PNLIPRP3: variants seen among roughly 807,000 people sequenced by gnomAD.
PNLIPRP3 encodes the protein pancreatic lipase related protein 3, also known as pancreatic lipase-related protein 3.
PNLIPRP3 carries 58 observed loss-of-function variants against 52.8 expected under a neutral mutation model. The observed-to-expected ratio is 1.10, with a 90% confidence interval of 0.89 to 1.37. The LOEUF (loss-of-function observed/expected upper bound fraction) is 1.37, where lower values mean the gene tolerates loss of function less well. PNLIPRP3 is among the 40% of genes most tolerant of loss of function. The pLI is 0.00. For synonymous variants in PNLIPRP3, 192 were observed against 185.0 expected (o/e 1.04, Z -0.31); for missense variants, 593 against 561.6 (o/e 1.06, Z -0.57).
At chr10:116,472,645 G>A (rs1026229996) in intron 10 of PNLIPRP3, among the ~76,000 whole-genome samples, 1 of 152,168 alleles carries the variant, frequency 6.6e-6, no homozygotes, top group Non-Finnish European at 1.5e-5. Context: ...CACTGGCAGA[G>A]TTTCTGCAGG....
intron 10 of PNLIPRP3, among the ~76,000 whole-genome samples, chr10:116,474,260 T>C (rs190890995): frequency 1.1e-3 from 170 of 152,322 alleles, no homozygotes; most frequent in African/African-American, 3.2e-3. Context: ...AGACTGAAAC[T>C]GGACCTCTTG....
At chr10:116,429,068 C>A (rs534356066) in intron 1 of PNLIPRP3, among the ~76,000 whole-genome samples, 1 of 152,072 alleles carries the variant, frequency 6.6e-6, no homozygotes, top group South Asian at 2.1e-4. Context: ...GCAAGTTGAC[C>A]ATCTCGAATC....
At chr10:116,428,124 A>G in intron 1 of PNLIPRP3, 63 bp downstream of exon 1, 1 of 1,173,500 alleles carries the variant, frequency 8.5e-7, no homozygotes, top group Non-Finnish European at 1.2e-6. Flanking sequence ...TCTAAAATGT[A>G]ATTGACATGA....
intron 4 of PNLIPRP3, among the ~76,000 whole-genome samples, chr10:116,446,683 T>C (rs775753370): frequency 5.3e-5 from 8 of 152,178 alleles, no homozygotes; most frequent in Non-Finnish European, 8.8e-5. Flanking sequence ...AGCACACTGA[T>C]TCAACAGTAA....
chr10:116,456,304 CAT>C (rs1471003329), intron 5 of PNLIPRP3, among the ~76,000 whole-genome samples: 4 of 152,096 alleles, frequency 2.6e-5, no homozygotes, highest in African/African-American at 9.7e-5. Flanking sequence ...TAATTTATTA[CAT>C]GTTTCAAAAT....
At position 116,477,599 on chromosome 10, in the gene PNLIPRP3, C is replaced by T. The variant is rs1846495566; in HGVS notation, c.*446C>T. The T allele has an allele frequency of 6.4e-6, 1 of 155,052 alleles. No homozygotes were observed. The highest frequency in any genetic ancestry group is 1.4e-5 in the Non-Finnish European group (1 of 70,304). The allele number at this position is 155,052 out of a possible 1,614,324, so 9.6% of individuals were successfully genotyped here. ...TAAATCTTGCTGAGACAAATTATGA[C>T]TATAGTGCATGATATATAGTAGATT... On this transcript the variant is annotated 3_prime_UTR_variant, in exon 12 of 12. Coordinates refer to ENST00000369230, the MANE Select transcript of PNLIPRP3 (RefSeq NM_001011709.3).
chr10:116,431,678 C>G (rs1321497361), intron 1 of PNLIPRP3, among the ~76,000 whole-genome samples: 1 of 152,082 alleles, frequency 6.6e-6, no homozygotes, highest in Non-Finnish European at 1.5e-5. Flanking sequence ...AACTAGAAAA[C>G]AAATAAATGA....
chr10:116,438,202 A>G (rs1389094572), intron 2 of PNLIPRP3, among the ~76,000 whole-genome samples: 3 of 152,146 alleles, frequency 2.0e-5, no homozygotes, highest in Non-Finnish European at 4.4e-5. Context: ...AAAGATTCAA[A>G]AGTCTTCTGG....
At chr10:116,443,029 C>T (rs766029845) in intron 2 of PNLIPRP3, 26 bp from the exon 3 acceptor site, 62 of 1,491,908 alleles carry the variant, frequency 4.2e-5, no homozygotes, top group Non-Finnish European at 5.5e-5. Context: ...TATTATTTTT[C>T]CTTAATCTCT....
intron 2 of PNLIPRP3, among the ~76,000 whole-genome samples, chr10:116,441,301 G>A (rs543438718): frequency 6.6e-6 from 1 of 152,128 alleles, no homozygotes; most frequent in Non-Finnish European, 1.5e-5. Context: ...TGTATGATGT[G>A]AATAAACTCC....
intron 1 of PNLIPRP3, among the ~76,000 whole-genome samples, chr10:116,430,067 C>G (rs571988499): frequency 6.6e-6 from 1 of 152,200 alleles, no homozygotes; most frequent in East Asian, 1.9e-4. Flanking sequence ...TGTGCCTTAC[C>G]CCTCAGTAGG....
chr10:116,464,776 G>A (rs1846253781), intron 7 of PNLIPRP3, among the ~76,000 whole-genome samples: 2 of 152,218 alleles, frequency 1.3e-5, no homozygotes, highest in Non-Finnish European at 2.9e-5. Flanking sequence ...AAACATTACG[G>A]CTTGTTTGTG....
intron 10 of PNLIPRP3, 65 bp downstream of exon 10, chr10:116,471,944 GGCTC>G: frequency 1.1e-6 from 1 of 941,736 alleles, no homozygotes; most frequent in Non-Finnish European, 1.6e-6. Context: ...AAGTGAGACT[GGCTC>G]AGTAAGCTGT....
intron 5 of PNLIPRP3, among the ~76,000 whole-genome samples, chr10:116,460,244 T>C (rs187330730): frequency 2.0e-5 from 3 of 152,356 alleles, no homozygotes; most frequent in African/African-American, 7.2e-5. Context: ...TTATTCCTCA[T>C]ATCTGAATGC....
intron 10 of PNLIPRP3, among the ~76,000 whole-genome samples, chr10:116,475,672 C>T (rs1040367471): frequency 5.9e-5 from 9 of 152,172 alleles, no homozygotes; most frequent in African/African-American, 1.4e-4. Context: ...TAGGTGCCTA[C>T]GCTGTACCAG....
At chr10:116,435,444 C>A (rs112669996) in intron 1 of PNLIPRP3, among the ~76,000 whole-genome samples, 1 of 26,798 alleles carries the variant, frequency 3.7e-5, no homozygotes, top group Non-Finnish European at 1.9e-4. Context: ...AATAAATGAG[C>A]CAAAAAAAAA....
At chr10:116,438,979 C>T (rs1845818813) in intron 2 of PNLIPRP3, among the ~76,000 whole-genome samples, 1 of 152,080 alleles carries the variant, frequency 6.6e-6, no homozygotes, top group Admixed American at 6.5e-5. Context: ...ATAAGCCAGA[C>T]ACAAAAGGAC....
At chr10:116,432,475 G>A (rs1431488) in intron 1 of PNLIPRP3, among the ~76,000 whole-genome samples, 1 of 152,196 alleles carries the variant, frequency 6.6e-6, no homozygotes, top group African/African-American at 2.4e-5. Context: ...ACTGAAGAAA[G>A]TGGAAAATAA....
At chr10:116,443,745 A>ATG (rs369976900) in intron 3 of PNLIPRP3, among the ~76,000 whole-genome samples, 15 of 35,214 alleles carry the variant, frequency 4.3e-4, no homozygotes, top group East Asian at 3.7e-3. Flanking sequence ...CTAATTACTA[A>ATG]TGTGTGTGTG....
Sources: allele counts gnomAD v4.1 joint callset (sites outside exome capture counted in the v4.1 genomes callset), GRCh38; gene constraint gnomAD v4.1.1; transcripts MANE v1.5; gene names NCBI Gene and HGNC (gene_info 2026-07-23, HGNC 2026-07-21).